The following MBD5 variants were observed in gnomAD, a reference collection of about 807,000 sequenced individuals.
MBD5 encodes methyl-CpG-binding domain protein 5.
Under a neutral mutation model 117.3 loss-of-function variants are expected in MBD5, and 13 were observed. The ratio of observed to expected loss-of-function variants is 0.11; its 90% confidence interval spans 0.07 to 0.18. MBD5 has a LOEUF of 0.18. Among genes scored for constraint, MBD5 ranks in the 10% least tolerant of loss-of-function variants. The probability of loss-of-function intolerance (pLI) is 1.00; values close to 1 mark genes in which losing one functional copy is unlikely to be tolerated. For synonymous variants in MBD5, 727 were observed against 766.4 expected (o/e 0.95, Z 0.85); for missense variants, 1,879 against 2,093.8 (o/e 0.90, Z 2.00).
intron 3 of MBD5, among the ~76,000 whole-genome samples, chr2:148,325,203 T>G (rs879766009): frequency 1.3e-4 from 20 of 152,218 alleles, no homozygotes; most frequent in Non-Finnish European, 2.5e-4. Context: ...TCATGGTGGA[T>G]AAGCTTTTTG....
At position 148,458,809 on chromosome 2, in the gene MBD5, A is replaced by C. The variant is rs1217452727; in HGVS notation, c.51A>C (p.Pro17=). 6.2e-7 allele frequency: 1 copy of C among 1,613,760 alleles called. No homozygotes were observed. Among genetic ancestry groups the C allele is most frequent in the Non-Finnish European group, 8.5e-7 (1 of 1,179,740 alleles). ...GAGGGGACAAGGAAGGAGGTCTTCC[A>C]GCTATACAAGTTCCTGTGGGTTGGC... is the stretch of plus-strand genomic sequence containing the variant. ...CDGGDKEGGL[P]AIQVPVGWQR... Residue 17 remains proline, a synonymous_variant, in exon 5 of 14, where the codon CCA becomes CCC. Transcript: ENST00000642680.
At chr2:148,180,356 A>ATATATATATATATATG in intron 2 of MBD5, among the ~76,000 whole-genome samples, 2 of 118,448 alleles carry the variant, frequency 1.7e-5, no homozygotes, top group African/African-American at 5.6e-5. Context: ...ATATATATAT[A>ATATATATATATATATG]TATATGTATA....
intron 3 of MBD5, among the ~76,000 whole-genome samples, chr2:148,234,680 T>C (rs1246606468): frequency 6.6e-6 from 1 of 152,176 alleles, no homozygotes; most frequent in African/African-American, 2.4e-5. Context: ...TGATAATGTA[T>C]GCCTTCTATT....
At chr2:148,356,262 C>T (rs909775188) in intron 4 of MBD5, among the ~76,000 whole-genome samples, 5 of 152,216 alleles carry the variant, frequency 3.3e-5, no homozygotes, top group South Asian at 2.1e-4. Flanking sequence ...AAATTCTTGA[C>T]GATAATGGCA....
rs769284955 is a variant in MBD5, at chr2:148,502,399, C to T, written c.4963-37C>T. 3 of 1,588,420 alleles carry T rather than the reference C, an allele frequency of 1.9e-6. No individual in the cohort carries two copies. The South Asian group carries it at 3.3e-5, about 18-fold the overall frequency. ...AAAACCGTGTTTAACAATTACAGGT[C>T]TGGGTAATGTGGTTTGGTCTTCATA... is the stretch of plus-strand genomic sequence containing the variant. On this transcript the variant is annotated intron_variant, in intron 11 of 13. Coordinates refer to ENST00000642680, the MANE Select transcript of MBD5 (RefSeq NM_001378120.1).
At chr2:148,215,892 A>C (rs1699541450) in intron 2 of MBD5, among the ~76,000 whole-genome samples, 1 of 152,034 alleles carries the variant, frequency 6.6e-6, no homozygotes, top group African/African-American at 2.4e-5. Flanking sequence ...CACAACTATA[A>C]ATTGCAAAAC....
At position 148,156,475 on chromosome 2, in the gene MBD5, C is replaced by G. The variant is rs544658652; in HGVS notation, c.-924-22225C>G. 6.6e-5 allele frequency among the ~76,000 whole-genome samples: 10 copies of G among 152,342 alleles called. No individual in the cohort carries two copies. In the South Asian group the frequency reaches 2.1e-3, roughly 32 times the overall value. ...GTCCTTCAAAATTAATCTCAGATATCATCTTCTGTAAGAATCTTTTCCTGA... is the reference window on the plus strand; with the variant it reads ...GTCCTTCAAAATTAATCTCAGATATGATCTTCTGTAAGAATCTTTTCCTGA... On this transcript the variant is annotated intron_variant, in intron 1 of 13. Coordinates refer to ENST00000642680, the MANE Select transcript of MBD5 (RefSeq NM_001378120.1).
At chr2:148,502,288 A>C (rs909842025) in intron 11 of MBD5, 148 bp from the exon 12 acceptor site, 17 of 727,578 alleles carry the variant, frequency 2.3e-5, no homozygotes, top group South Asian at 6.1e-5. Flanking sequence ...CTAATGATTG[A>C]GTGAGGACAG....
chr2:148,258,499 G>A (rs1484294412), intron 3 of MBD5, among the ~76,000 whole-genome samples: 1 of 152,086 alleles, frequency 6.6e-6, no homozygotes, highest in African/African-American at 2.4e-5. Flanking sequence ...AATTCCACAC[G>A]TGGCCTCCAA....
intron 1 of MBD5, among the ~76,000 whole-genome samples, chr2:148,132,610 A>G (rs1418182595): frequency 2.0e-5 from 3 of 152,104 alleles, no homozygotes; most frequent in Non-Finnish European, 4.4e-5. Flanking sequence ...TGCTTAAATC[A>G]TATTTGGAGG....
At position 148,162,149 on chromosome 2, in the gene MBD5, C is replaced by T. The variant is rs566132989; in HGVS notation, c.-924-16551C>T. ...AGGTTTCAGCATATAAATACACTAA[C>T]TTCTTTGGCCCTTACTTAGCCAATT... On this transcript the variant is annotated intron_variant, in intron 1 of 13. Transcript: ENST00000642680. Among the ~76,000 whole-genome samples the T allele has an allele frequency of 4.6e-5, 7 of 152,338 alleles. No individual in the cohort carries two copies. In the East Asian group the frequency reaches 1.3e-3, roughly 29 times the overall value.
intron 1 of MBD5, among the ~76,000 whole-genome samples, chr2:148,123,225 T>G (rs1696810601): frequency 6.6e-6 from 1 of 152,208 alleles, no homozygotes; most frequent in African/African-American, 2.4e-5. Context: ...ACTTTTCAAA[T>G]TTTTGGAAAC....
At chr2:148,174,871 G>A (rs1421514309) in intron 1 of MBD5, among the ~76,000 whole-genome samples, 1 of 151,538 alleles carries the variant, frequency 6.6e-6, no homozygotes, top group African/African-American at 2.4e-5. Context: ...ATGTACACAT[G>A]TGGAAAACTG....
At position 148,151,517 on chromosome 2, in the gene MBD5, G is replaced by C. The variant is rs1697666687; in HGVS notation, c.-924-27183G>C. On this transcript the variant is annotated intron_variant, in intron 1 of 13. Coordinates refer to ENST00000642680, the MANE Select transcript of MBD5 (RefSeq NM_001378120.1). Reference sequence around the variant, plus strand: ...GATTGGAATAGTTTCCGAAGGAATGGTACCAGCTCCTCCTTGTACCTCTGG... The same window carrying C: ...GATTGGAATAGTTTCCGAAGGAATGCTACCAGCTCCTCCTTGTACCTCTGG... 2.0e-5 allele frequency among the ~76,000 whole-genome samples: 3 copies of C among 152,334 alleles called. 1 individual carries two copies. Among genetic ancestry groups the C allele is most frequent in the Admixed American group, 2.0e-4 (3 of 15,306 alleles).
At chr2:148,213,700 C>T (rs1392036344) in intron 2 of MBD5, among the ~76,000 whole-genome samples, 2 of 152,126 alleles carry the variant, frequency 1.3e-5, no homozygotes, top group African/African-American at 4.8e-5. Flanking sequence ...TCTTTTAACA[C>T]AGACTTTTAA....
At chr2:148,080,795 A>G (rs1260515014) in intron 1 of MBD5, among the ~76,000 whole-genome samples, 1 of 152,192 alleles carries the variant, frequency 6.6e-6, no homozygotes, top group Non-Finnish European at 1.5e-5. Context: ...TAAATATGCA[A>G]TGGTTTAAAC....
Position 148,415,583 on chromosome 2 carries a change from C to G in MBD5, c.-556-42620C>G, listed in dbSNP as rs146931592. Reference sequence around the variant, plus strand: ...TTTCCAGGTTGCTTGCTTTCTCTCCCTCTCATTCAGGGATGCTAATGAGTC... The same window carrying G: ...TTTCCAGGTTGCTTGCTTTCTCTCCGTCTCATTCAGGGATGCTAATGAGTC... On this transcript the variant is annotated intron_variant, in intron 4 of 13. Transcript: ENST00000642680. 2.0e-5 allele frequency among the ~76,000 whole-genome samples: 3 copies of G among 152,288 alleles called. No individual in the cohort carries two copies. The East Asian group carries it at 5.8e-4, about 29-fold the overall frequency.
intron 12 of MBD5, among the ~76,000 whole-genome samples, chr2:148,505,117 G>C (rs1301511210): frequency 6.6e-6 from 1 of 152,072 alleles, no homozygotes; most frequent in Non-Finnish European, 1.5e-5. Flanking sequence ...ATACTTAGGA[G>C]GTAAAATAGA....
chr2:148,126,328 C>T (rs1262105327), intron 1 of MBD5, among the ~76,000 whole-genome samples: 1 of 149,062 alleles, frequency 6.7e-6, no homozygotes, highest in Non-Finnish European at 1.5e-5. Flanking sequence ...ATCGCTTGAA[C>T]CCAGGAGGCA....
Sources: gnomAD v4.1 joint callset for allele counts (sites outside exome capture counted in the v4.1 genomes callset) on GRCh38, gnomAD v4.1.1 for gene constraint, MANE v1.5 for transcripts, NCBI Gene and HGNC (gene_info 2026-07-23, HGNC 2026-07-21) for gene names.